The following HIPK3 variants were observed in gnomAD, a reference collection of about 807,000 sequenced individuals.
HIPK3 encodes homeodomain-interacting protein kinase 3.
HIPK3 carries 47 observed loss-of-function variants against 124.2 expected under a neutral mutation model. That is an observed-to-expected ratio of 0.38 (90% CI 0.30 to 0.48). The LOEUF (loss-of-function observed/expected upper bound fraction) is 0.48. Ranked by LOEUF, HIPK3 falls within the 20% of genes least tolerant of loss-of-function variation. HIPK3 has a pLI of 0.98. For synonymous variants in HIPK3, 482 were observed against 515.2 expected, an observed-to-expected ratio of 0.94 and a Z score of 0.87; for missense variants, 1,286 against 1,454.3, an observed-to-expected ratio of 0.88 and a Z score of 1.88.
At chr11:33,311,869 C>CACACACACA (rs749157530) in intron 2 of HIPK3, among the ~76,000 whole-genome samples, 6 of 46,976 alleles carry the variant, frequency 1.3e-4, no homozygotes, top group Non-Finnish European at 1.6e-4. Flanking sequence ...CACACACACA[C>CACACACACA]TACACACACA....
At position 33,258,701 on chromosome 11, in the gene HIPK3, C is replaced by G. The variant is rs548406643; in HGVS notation, c.-3+812C>G. On this transcript the variant is annotated intron_variant, in intron 1 of 16. Transcript: ENST00000303296. ...GGCTGTTGTAAAATGGTATGTGGCT[C>G]TCGGGGAATCCTGTTGTTCCCGTCT... 2.0e-5 allele frequency: 20 copies of G among 985,322 alleles called. No individual in the cohort carries two copies. In the Admixed American group the frequency reaches 4.9e-4, roughly 24 times the overall value. 61.0% of individuals were successfully genotyped at this position (985,322 alleles called of 1,614,324 possible). A position where few individuals can be genotyped will look rare whatever the true frequency, so the allele number is the denominator to read the frequency against.
Position 33,257,476 on chromosome 11 carries a change from C to T in HIPK3, c.-416C>T. On this transcript the variant is annotated 5_prime_UTR_variant, in exon 1 of 17. Coordinates refer to ENST00000303296, the MANE Select transcript of HIPK3 (RefSeq NM_005734.5). The stretch of plus-strand genomic sequence containing the variant: ...GTCGCCACCACTCCCGCCAGTCTTC[C>T]TTCTCCGCTCCCGGCCGGGGCGTCA... 1.0e-6 allele frequency: 1 copy of T among 985,842 alleles called. No individual in the cohort carries two copies. The highest frequency in any genetic ancestry group is 1.2e-6 in the Non-Finnish European group (1 of 830,354). The allele number at this position is 985,842 out of a possible 1,614,324, so 61.1% of individuals were successfully genotyped here.
At chr11:33,263,034 G>C (rs920604726) in intron 1 of HIPK3, among the ~76,000 whole-genome samples, 2 of 152,030 alleles carry the variant, frequency 1.3e-5, no homozygotes, top group Non-Finnish European at 2.9e-5. Context: ...CTGACACCTT[G>C]AATTTTTTCA....
intron 2 of HIPK3, among the ~76,000 whole-genome samples, chr11:33,308,639 T>TGA (rs1424784079): frequency 6.6e-6 from 1 of 151,804 alleles, no homozygotes; most frequent in Non-Finnish European, 1.5e-5. Flanking sequence ...TGTGTGTGTG[T>TGA]GTGAGATTCT....
intron 1 of HIPK3, among the ~76,000 whole-genome samples, chr11:33,269,890 T>G (rs1851076059): frequency 6.6e-6 from 1 of 152,178 alleles, no homozygotes; most frequent in African/African-American, 2.4e-5. Flanking sequence ...TACCTCAGAA[T>G]TACCTTATTT....
chr11:33,341,597 A>G lies in HIPK3; in HGVS notation c.1808A>G (p.His603Arg). The change falls in exon 8 of 17, where the codon CAT becomes CGT. Residue 603 changes from histidine (H) to arginine (R), a missense_variant. Around this residue, in one of 3 missense-constraint regions of HIPK3, gnomAD observed 810 missense variants for 864.9 expected, o/e 0.94. Coordinates refer to ENST00000303296, the MANE Select transcript of HIPK3 (RefSeq NM_005734.5). ...LTTSAHSVVHHGIPLQAGTAQ... is the reference protein window; with the variant it reads ...LTTSAHSVVHRGIPLQAGTAQ... ...ACATCTGCTCATTCAGTTGTGCACC[A>G]TGGAATACCTCTGCAGGCAGGAACT... 2.5e-6 allele frequency: 4 copies of G among 1,613,798 alleles called. No individual in the cohort carries two copies. Among genetic ancestry groups the G allele is most frequent in the East Asian group, 2.2e-5 (1 of 44,874 alleles).
chr11:33,313,260 A>G (rs1050530711), intron 2 of HIPK3, among the ~76,000 whole-genome samples: 7 of 152,242 alleles, frequency 4.6e-5, no homozygotes, highest in African/African-American at 1.2e-4. Context: ...CCAAGGAGCT[A>G]TTTCAGCTAA....
chr11:33,340,202 G>A (rs1305061893), intron 6 of HIPK3, among the ~76,000 whole-genome samples: 1 of 152,134 alleles, frequency 6.6e-6, no homozygotes, highest in Non-Finnish European at 1.5e-5. Context: ...CACCACCTCA[G>A]CCTCCTGAGT....
chr11:33,337,741 T>C (rs937462110), intron 4 of HIPK3, among the ~76,000 whole-genome samples: 3 of 152,018 alleles, frequency 2.0e-5, no homozygotes, highest in Admixed American at 6.6e-5. Flanking sequence ...TGGTGTAATC[T>C]CGGCTCACTG....
rs1333880311 is a variant in HIPK3 at position 33,352,272 on chromosome 11, TC to T, written c.3171+8del. On this transcript the variant is annotated splice_region_variant and intron_variant, in intron 16 of 16. Coordinates refer to ENST00000303296, the MANE Select transcript of HIPK3 (RefSeq NM_005734.5). ...GCATTTGAACTTCAGTCAGGTATGT[TC>T]ATTTGTGGATATGTAGGAGTCTGTG... 6.2e-7 allele frequency: 1 copy of T among 1,613,774 alleles called. No homozygotes were observed.
intron 2 of HIPK3, among the ~76,000 whole-genome samples, chr11:33,289,984 A>G (rs972830339): frequency 1.1e-4 from 17 of 152,264 alleles, no homozygotes; most frequent in South Asian, 1.0e-3. Flanking sequence ...TGTTGTTGCA[A>G]TTGACAGGAT....
rs1176595299 is a variant in HIPK3 at position 33,356,197 on chromosome 11, T to G, written c.*2629T>G. ...AGTCTTGTTAAATTGACATAAATGG[T>G]AAACTTCAACATTTTCATAATACAG... On this transcript the variant is annotated 3_prime_UTR_variant, in exon 17 of 17. Coordinates refer to ENST00000303296, the MANE Select transcript of HIPK3 (RefSeq NM_005734.5). 1 of 152,056 alleles carries G rather than the reference T, an allele frequency of 6.6e-6. No individual in the cohort carries two copies. The highest frequency in any genetic ancestry group is 2.4e-5 in the African/African-American group (1 of 41,446). 9.4% of individuals were successfully genotyped at this position (152,056 alleles called of 1,614,324 possible). A position where few individuals can be genotyped will look rare whatever the true frequency, so the allele number is the denominator to read the frequency against.
In HIPK3 at chr11:33,257,504, AATGGGCCCCAATCGCC is replaced by A; in HGVS notation, c.-387_-372del. ...CTCCGCTCCCGGCCGGGGCGTCAGG[AATGGGCCCCAATCGCC>A]GTGGGCCCCGCACCCTGCGTCGCCC... is the stretch of plus-strand genomic sequence containing the variant. On this transcript the variant is annotated 5_prime_UTR_variant, in exon 1 of 17. It removes an upstream start codon present in the reference 5' UTR. Transcript: ENST00000303296. 4 of 985,830 alleles carry A rather than the reference AATGGGCCCCAATCGCC, an allele frequency of 4.1e-6. No individual in the cohort carries two copies. The highest frequency in any genetic ancestry group is 4.8e-6 in the Non-Finnish European group (4 of 830,372). The allele number at this position is 985,830 out of a possible 1,614,324, so 61.1% of individuals were successfully genotyped here.
At chr11:33,274,963 T>C (rs1851232357) in intron 1 of HIPK3, among the ~76,000 whole-genome samples, 1 of 152,216 alleles carries the variant, frequency 6.6e-6, no homozygotes, top group Non-Finnish European at 1.5e-5. Context: ...ATAAATGTTC[T>C]GTAGGCACCT....
At chr11:33,338,879 C>T in intron 5 of HIPK3, 36 bp downstream of exon 5, 1 of 1,427,384 alleles carries the variant, frequency 7.0e-7, no homozygotes, top group South Asian at 1.2e-5. Context: ...ATCTTACATG[C>T]TTAGATGGTA....
At chr11:33,331,739 A>C (rs1246035992) in intron 3 of HIPK3, among the ~76,000 whole-genome samples, 1 of 152,120 alleles carries the variant, frequency 6.6e-6, no homozygotes, top group African/African-American at 2.4e-5. Flanking sequence ...GGGCAATAGT[A>C]ATATTAACTA....
rs772957704 is a variant in HIPK3 at position 33,328,578 on chromosome 11, T to C, written c.1166T>C (p.Ile389Thr). Residue 389 changes from isoleucine to threonine, a missense_variant, in exon 3 of 17, where the codon ATT (isoleucine) becomes ACT (threonine). Transcript: ENST00000303296. ...AIDMWSLGCV[I>T]AELFLGWPLY... ...GACATGTGGTCATTGGGATGTGTGA[T>C]TGCAGAATTATTTCTTGGATGGCCG... The C allele has an allele frequency of 3.1e-6, 5 of 1,613,730 alleles. No homozygotes were observed. The highest frequency in any genetic ancestry group is 4.2e-6 in the Non-Finnish European group (5 of 1,179,680).
At chr11:33,295,548 G>A (rs780399218) in intron 2 of HIPK3, among the ~76,000 whole-genome samples, 1 of 152,238 alleles carries the variant, frequency 6.6e-6, no homozygotes, top group Non-Finnish European at 1.5e-5. Flanking sequence ...GCGCACCTGC[G>A]CAGAACCTCG....
intron 2 of HIPK3, among the ~76,000 whole-genome samples, chr11:33,292,268 T>G (rs1482393465): frequency 1.3e-5 from 2 of 152,212 alleles, no homozygotes; most frequent in Admixed American, 1.3e-4. Context: ...AGTTTAACTT[T>G]ACAAATTTTG....
Sources: allele counts gnomAD v4.1 joint callset (sites outside exome capture counted in the v4.1 genomes callset), GRCh38; gene constraint gnomAD v4.1.1; regional missense constraint gnomAD v4.1.1; transcripts MANE v1.5; gene names NCBI Gene and HGNC (gene_info 2026-07-23, HGNC 2026-07-21).